The following ST6GALNAC5 variants were observed in gnomAD, a reference collection of about 807,000 sequenced individuals.
ST6GALNAC5 encodes the protein alpha-N-acetylgalactosaminide alpha-2,6-sialyltransferase 5.
Under a neutral mutation model 33.6 loss-of-function variants are expected in ST6GALNAC5, and 27 were observed. That is an observed-to-expected ratio of 0.80 (90% CI 0.59 to 1.11). The LOEUF (loss-of-function observed/expected upper bound fraction) is 1.11, where lower values mean the gene tolerates loss of function less well. Ranked by LOEUF, ST6GALNAC5 falls within the 50% of genes least tolerant of loss-of-function variation. The pLI, the probability that ST6GALNAC5 is intolerant of heterozygous loss-of-function variation, is 0.00. For missense variants in ST6GALNAC5, 428 were observed against 454.0 expected, an observed-to-expected ratio of 0.94 and a Z score of 0.52; for synonymous variants, 194 against 171.2, an observed-to-expected ratio of 1.13 and a Z score of -1.04.
At chr1:77,014,706 C>T (rs1177777296) in intron 2 of ST6GALNAC5, among the ~76,000 whole-genome samples, 1 of 152,184 alleles carries the variant, frequency 6.6e-6, no homozygotes, top group Non-Finnish European at 1.5e-5. Context: ...GCTTTGTTCT[C>T]CCAAGCCAAC....
At chr1:77,025,926 T>C (rs1651215305) in intron 2 of ST6GALNAC5, among the ~76,000 whole-genome samples, 1 of 152,072 alleles carries the variant, frequency 6.6e-6, no homozygotes, top group Non-Finnish European at 1.5e-5. Flanking sequence ...AAAGCTCACA[T>C]ACATAGGGAG....
At chr1:76,991,712 A>T (rs1649735940) in intron 2 of ST6GALNAC5, among the ~76,000 whole-genome samples, 1 of 152,128 alleles carries the variant, frequency 6.6e-6, no homozygotes, top group Non-Finnish European at 1.5e-5. Flanking sequence ...ATGAATTCTC[A>T]GCCCACAGAA....
In ST6GALNAC5 at chr1:76,966,297, C is replaced by T. The variant is rs1648475642; in HGVS notation, c.262-77907C>T. On this transcript the variant is annotated intron_variant, in intron 2 of 4. Coordinates refer to ENST00000477717, the MANE Select transcript of ST6GALNAC5 (RefSeq NM_030965.3). The stretch of plus-strand genomic sequence containing the variant: ...TTTCGTTGGGAAGTGGTTTGTAGTT[C>T]TCCTTGAAGAGGTCCTTCACATCCC... 2.0e-5 allele frequency among the ~76,000 whole-genome samples: 3 copies of T among 152,136 alleles called. No individual in the cohort carries two copies. The South Asian group carries it at 6.2e-4, about 32-fold the overall frequency.
intron 4 of ST6GALNAC5, among the ~76,000 whole-genome samples, chr1:77,057,913 C>A (rs988310248): frequency 6.6e-6 from 1 of 152,142 alleles, no homozygotes; most frequent in Non-Finnish European, 1.5e-5. Flanking sequence ...ACATTACAAA[C>A]CCCTGTTGCC....
In ST6GALNAC5 at chr1:76,868,458, C is replaced by T; in HGVS notation, c.16-39C>T. 1.9e-6 allele frequency: 3 copies of T among 1,573,440 alleles called. No homozygotes were observed. Among genetic ancestry groups the T allele is most frequent in the East Asian group, 2.3e-5 (1 of 43,904 alleles). ...TGGGCGCGCTCCTCCGGTGTCTGCG[C>T]TCAGCCGCTCTCCTCTTCTCTCTCC... On this transcript the variant is annotated intron_variant, in intron 1 of 4. Transcript: ENST00000477717. This position sits in a 1 kb window ranked among gnomAD's most constrained non-coding sequence, Gnocchi z 4.3.
intron 2 of ST6GALNAC5, among the ~76,000 whole-genome samples, chr1:77,005,094 G>T (rs564781686): frequency 6.6e-6 from 1 of 151,836 alleles, no homozygotes; most frequent in Non-Finnish European, 1.5e-5. Context: ...CCCCAGCCTC[G>T]CTGCCACCTT....
chr1:77,050,561 A>G (rs1394043813), intron 4 of ST6GALNAC5, among the ~76,000 whole-genome samples, 196 bp downstream of exon 4: 3 of 152,244 alleles, frequency 2.0e-5, no homozygotes, highest in Admixed American at 6.5e-5. Flanking sequence ...TTTTGTTTGT[A>G]CTGCTGGAGA....
chr1:76,968,285 A>G (rs990494997), intron 2 of ST6GALNAC5, among the ~76,000 whole-genome samples: 4 of 152,182 alleles, frequency 2.6e-5, no homozygotes, highest in Admixed American at 2.6e-4. Flanking sequence ...GTGCATATAT[A>G]TTAAGGATAG....
chr1:76,993,029 C>A (rs1649797151), intron 2 of ST6GALNAC5, among the ~76,000 whole-genome samples: 1 of 152,144 alleles, frequency 6.6e-6, no homozygotes, highest in Non-Finnish European at 1.5e-5. Context: ...CATTTCCTGC[C>A]TTACCCATCC....
At position 76,966,642 on chromosome 1, in the gene ST6GALNAC5, G is replaced by A. The variant is rs535816459; in HGVS notation, c.262-77562G>A. ...AGAACTTCCAACACTATGTTGAATA[G>A]GAGTGGTGAGAGAGGGCATCCCTGT... On this transcript the variant is annotated intron_variant, in intron 2 of 4. Transcript: ENST00000477717. 3.3e-5 allele frequency among the ~76,000 whole-genome samples: 5 copies of A among 152,312 alleles called. No homozygotes were observed. The South Asian group carries it at 1.0e-3, about 32-fold the overall frequency.
At chr1:77,016,502 A>G (rs199687) in intron 2 of ST6GALNAC5, among the ~76,000 whole-genome samples, 24,891 of 151,864 alleles carry the variant, frequency 0.16, 2,157 homozygotes, top group Admixed American at 0.21. Context: ...CACAATGGTC[A>G]TTGCACACTC....
At chr1:77,053,486 C>T (rs1242172943) in intron 4 of ST6GALNAC5, among the ~76,000 whole-genome samples, 2 of 152,208 alleles carry the variant, frequency 1.3e-5, no homozygotes, top group Non-Finnish European at 2.9e-5. Context: ...CTCTACTCTC[C>T]GTAGTGCTAT....
chr1:76,982,979 C>T (rs1649319595), intron 2 of ST6GALNAC5, among the ~76,000 whole-genome samples: 1 of 151,966 alleles, frequency 6.6e-6, no homozygotes, highest in Non-Finnish European at 1.5e-5. Flanking sequence ...TTTGTCACCA[C>T]CAGGCCTGCT....
intron 2 of ST6GALNAC5, among the ~76,000 whole-genome samples, chr1:77,028,396 C>T (rs1419179959): frequency 1.3e-5 from 2 of 151,906 alleles, no homozygotes; most frequent in Non-Finnish European, 2.9e-5. Flanking sequence ...ATCAAAAGAC[C>T]TCACTGTACT....
chr1:76,976,201 C>T (rs1463113534), intron 2 of ST6GALNAC5, among the ~76,000 whole-genome samples: 1 of 152,116 alleles, frequency 6.6e-6, no homozygotes, highest in Non-Finnish European at 1.5e-5. Context: ...TGTTTAAATT[C>T]TTGACCTGGG....
intron 2 of ST6GALNAC5, among the ~76,000 whole-genome samples, chr1:77,012,551 A>G (rs779672253): frequency 2.6e-5 from 4 of 152,162 alleles, no homozygotes; most frequent in Admixed American, 6.5e-5. Flanking sequence ...AAGCTTCACT[A>G]TGTATTCTGC....
intron 2 of ST6GALNAC5, among the ~76,000 whole-genome samples, chr1:77,013,647 C>A (rs1301726690): frequency 1.3e-5 from 2 of 152,208 alleles, no homozygotes; most frequent in Admixed American, 1.3e-4. Flanking sequence ...TATTTCTAAG[C>A]ACTTGCCTCA....
chr1:76,869,048 C>G, intron 2 of ST6GALNAC5: 1 of 296,412 alleles, frequency 3.4e-6, no homozygotes, highest in Non-Finnish European at 6.0e-6. Flanking sequence ...GATGGAGGTC[C>G]GGTTCCTGAA....
intron 2 of ST6GALNAC5, among the ~76,000 whole-genome samples, chr1:76,886,583 C>A (rs1653900697): frequency 6.6e-6 from 1 of 152,146 alleles, no homozygotes; most frequent in Non-Finnish European, 1.5e-5. Flanking sequence ...TTTATAAAAT[C>A]AACTATTTCA....
Sources: gnomAD v4.1 joint callset for allele counts (sites outside exome capture counted in the v4.1 genomes callset) on GRCh38, gnomAD v4.1.1 for gene constraint, Gnocchi (gnomAD v3.1) non-coding constraint, MANE v1.5 for transcripts, NCBI Gene and HGNC (gene_info 2026-07-23, HGNC 2026-07-21) for gene names.